Variants in NBAS observed in about 807,000 individuals in gnomAD.
NBAS encodes NAG/BC035112 fusion.
A neutral mutation model predicts 302.5 loss-of-function variants in NBAS; 219 were observed. The ratio of observed to expected loss-of-function variants is 0.72; its 90% CI spans 0.65 to 0.81. NBAS has a LOEUF of 0.81. NBAS is among the 30% of genes least tolerant of loss of function. The pLI is 0.00. For synonymous variants in NBAS, 1,118 were observed against 1,021.6 expected (o/e 1.09, Z -1.80); for missense variants, 2,932 against 2,841.6 (o/e 1.03, Z -0.72).
intron 40 of NBAS, among the ~76,000 whole-genome samples, chr2:15,307,317 G>A (rs1411774341): frequency 4.6e-5 from 7 of 152,198 alleles, no homozygotes; most frequent in Admixed American, 4.6e-4. Context: ...GGATAGAATT[G>A]AACAATTTTC....
At chr2:14,796,010 G>C in the NBAS span, among the ~76,000 whole-genome samples, 1 of 152,154 alleles carries the variant, frequency 6.6e-6, no homozygotes, top group Non-Finnish European at 1.5e-5. Context: ...CTATGATATA[G>C]TTTAATTTTT....
At chr2:15,256,413 C>T (rs1668595550) in intron 44 of NBAS, among the ~76,000 whole-genome samples, 1 of 152,124 alleles carries the variant, frequency 6.6e-6, no homozygotes, top group Non-Finnish European at 1.5e-5. Flanking sequence ...TGAGACTTTA[C>T]TGAATTCATT....
the NBAS span, among the ~76,000 whole-genome samples, chr2:14,924,885 C>T: frequency 6.6e-6 from 1 of 152,064 alleles, no homozygotes; most frequent in Non-Finnish European, 1.5e-5. Flanking sequence ...GCAAATACAC[C>T]CTACAAGAAA....
At chr2:15,457,022 C>T (rs988214555) in intron 21 of NBAS, among the ~76,000 whole-genome samples, 2 of 152,072 alleles carry the variant, frequency 1.3e-5, no homozygotes, top group South Asian at 2.1e-4. Context: ...AAGTAAGAGA[C>T]CCAGTCACAG....
the NBAS span, among the ~76,000 whole-genome samples, chr2:15,137,956 T>G: frequency 6.6e-6 from 1 of 152,090 alleles, no homozygotes; most frequent in Non-Finnish European, 1.5e-5. Flanking sequence ...ATTTTTTGCT[T>G]CTACTCATCA....
intron 35 of NBAS, among the ~76,000 whole-genome samples, chr2:15,337,283 C>G (rs1321024123): frequency 6.6e-6 from 1 of 151,908 alleles, no homozygotes; most frequent in Non-Finnish European, 1.5e-5. Flanking sequence ...ATCGTGCACT[C>G]CAGCCTGGAG....
the NBAS span, among the ~76,000 whole-genome samples, chr2:15,141,449 C>T: frequency 6.6e-6 from 1 of 152,164 alleles, no homozygotes; most frequent in East Asian, 1.9e-4. Flanking sequence ...GTAGCATCAG[C>T]GAATGGCAGA....
chr2:14,944,907 G>C, the NBAS span, among the ~76,000 whole-genome samples: 205 of 152,120 alleles, frequency 1.3e-3, no homozygotes, highest in African/African-American at 4.8e-3. Context: ...CACTATCTTG[G>C]GTGTCCTGGC....
At chr2:15,367,814 A>T (rs758347220) in intron 31 of NBAS, among the ~76,000 whole-genome samples, 1 of 152,164 alleles carries the variant, frequency 6.6e-6, no homozygotes, top group Non-Finnish European at 1.5e-5. Context: ...CTACAATTTA[A>T]TGTTGAACTC....
the NBAS span, among the ~76,000 whole-genome samples, chr2:14,860,575 C>A: frequency 6.6e-6 from 1 of 152,064 alleles, no homozygotes; most frequent in Admixed American, 6.6e-5. Context: ...TGAAATAAGT[C>A]AAGCACAGAA....
At chr2:14,874,453 C>T in the NBAS span, among the ~76,000 whole-genome samples, 2 of 142,264 alleles carry the variant, frequency 1.4e-5, no homozygotes, top group African/African-American at 5.3e-5. Flanking sequence ...GGTGAAACCC[C>T]GTCTCTACTT....
the NBAS span, among the ~76,000 whole-genome samples, chr2:15,117,379 T>A: frequency 6.6e-6 from 1 of 152,218 alleles, no homozygotes; most frequent in Admixed American, 6.5e-5. Flanking sequence ...ACCTTGCTGC[T>A]CACCTGTGGC....
At chr2:15,455,199 G>A (rs544042287) in intron 21 of NBAS, among the ~76,000 whole-genome samples, 256 of 152,152 alleles carry the variant, frequency 1.7e-3, no homozygotes, top group Admixed American at 2.8e-3. Flanking sequence ...CACCGCACCC[G>A]GCCGATGCTA....
At chr2:14,896,788 G>C in the NBAS span, among the ~76,000 whole-genome samples, 4 of 152,124 alleles carry the variant, frequency 2.6e-5, no homozygotes, top group African/African-American at 9.7e-5. Flanking sequence ...AACAGCTGGG[G>C]AACAAATCAC....
At chr2:15,392,326 G>T (rs1479959212) in intron 28 of NBAS, among the ~76,000 whole-genome samples, 2 of 151,500 alleles carry the variant, frequency 1.3e-5, no homozygotes, top group African/African-American at 4.8e-5. Context: ...ACTATCACAG[G>T]AAGATCTACC....
At chr2:14,880,896 A>G in the NBAS span, among the ~76,000 whole-genome samples, 4 of 151,644 alleles carry the variant, frequency 2.6e-5, no homozygotes, top group Non-Finnish European at 5.9e-5. Flanking sequence ...TTTAAAGTCA[A>G]AAGAAAATAA....
the NBAS span, among the ~76,000 whole-genome samples, chr2:14,791,046 G>C: frequency 6.6e-6 from 1 of 152,064 alleles, no homozygotes; most frequent in Non-Finnish European, 1.5e-5. Flanking sequence ...GTAGAGACGG[G>C]GTTTCTCCAT....
Position 15,504,568 on chromosome 2 carries a change from C to A in NBAS, c.886-355G>T, listed in dbSNP as rs1341827696. Among the ~76,000 whole-genome samples, 4 of 152,252 alleles carry A rather than the reference C, an allele frequency of 2.6e-5. No homozygotes were observed. In the East Asian group the frequency reaches 5.8e-4, roughly 22 times the overall value. On this transcript the variant is annotated intron_variant, in intron 10 of 51. Transcript: ENST00000281513. ...TAGAAAAAGCTAAAACTTCCCAAAG[C>A]AATTTCATCTATTAACAATTGATTC...
intron 31 of NBAS, among the ~76,000 whole-genome samples, chr2:15,373,992 G>A (rs1262688792): frequency 6.6e-6 from 1 of 152,178 alleles, no homozygotes; most frequent in Non-Finnish European, 1.5e-5. Flanking sequence ...ACCATGAGAT[G>A]TAAACAGTCC....
Sources: gnomAD v4.1 joint callset for allele counts (sites outside exome capture counted in the v4.1 genomes callset) on GRCh38, gnomAD v4.1.1 for gene constraint, MANE v1.5 for transcripts, NCBI Gene and HGNC (gene_info 2026-07-23, HGNC 2026-07-21) for gene names.